The following EIF5A2 variants were observed in gnomAD, a reference collection of about 807,000 sequenced individuals.
The protein encoded by EIF5A2 is eukaryotic translation initiation factor 5A-2.
Under a neutral mutation model 16.4 loss-of-function variants are expected in EIF5A2, and 15 were observed. That is an observed-to-expected ratio of 0.92 (90% confidence interval 0.61 to 1.41). The LOEUF (loss-of-function observed/expected upper bound fraction) is 1.41. Ranked by LOEUF, EIF5A2 falls within the 40% of genes most tolerant of loss-of-function variation. EIF5A2 has a pLI of 0.00. For missense variants in EIF5A2, 144 were observed against 189.5 expected, an observed-to-expected ratio of 0.76 and a Z score of 1.41; for synonymous variants, 48 against 61.1, an observed-to-expected ratio of 0.79 and a Z score of 1.00.
At chr3:170,901,321 T>G (rs1712808570) in intron 3 of EIF5A2, among the ~76,000 whole-genome samples, 1 of 152,176 alleles carries the variant, frequency 6.6e-6, no homozygotes. Flanking sequence ...ATAGTATATA[T>G]GAATTCTAGA....
chr3:170,889,309 T>C lies in EIF5A2; in HGVS notation c.*4051A>G, dbSNP rs1576784284. On this transcript the variant is annotated 3_prime_UTR_variant, in exon 5 of 5. Transcript: ENST00000295822. ...GAAAAACATTAAATTACATATTGGC[T>C]TCAAGCCATGTTCCCATAGAACATC... The C allele has an allele frequency of 6.6e-6, 1 of 152,510 alleles. No homozygotes were observed. The allele number at this position is 152,510 out of a possible 1,614,324, so 9.4% of individuals were successfully genotyped here. A position where few individuals can be genotyped will look rare whatever the true frequency, so the allele number is the denominator to read the frequency against.
Position 170,892,964 on chromosome 3 carries a change from T to C in EIF5A2, c.*396A>G, listed in dbSNP as rs1294814717. On this transcript the variant is annotated 3_prime_UTR_variant, in exon 5 of 5. Transcript: ENST00000295822. Reference sequence around the variant, plus strand: ...CATTTTATATTAAATCTGTAATTAATGCAGAGCAGTTCAACTTAAATATGG... The same window carrying C: ...CATTTTATATTAAATCTGTAATTAACGCAGAGCAGTTCAACTTAAATATGG... 1 of 401,730 alleles carries C rather than the reference T, an allele frequency of 2.5e-6. No homozygotes were observed. The highest frequency in any genetic ancestry group is 4.4e-6 in the Non-Finnish European group (1 of 228,590). 24.9% of individuals were successfully genotyped at this position (401,730 alleles called of 1,614,324 possible).
At chr3:170,896,096 C>T (rs1712663890) in intron 3 of EIF5A2, among the ~76,000 whole-genome samples, 1 of 152,192 alleles carries the variant, frequency 6.6e-6, no homozygotes, top group South Asian at 2.1e-4. Context: ...TACTGTGCCA[C>T]TAGTGACTGA....
At chr3:170,905,554 C>T (rs943793226) in intron 3 of EIF5A2, among the ~76,000 whole-genome samples, 1 of 152,210 alleles carries the variant, frequency 6.6e-6, no homozygotes, top group Non-Finnish European at 1.5e-5. Flanking sequence ...ATTCTACGCT[C>T]AACTTTAGCC....
chr3:170,899,223 GT>G (rs1172231579), intron 3 of EIF5A2, among the ~76,000 whole-genome samples: 1 of 151,558 alleles, frequency 6.6e-6, no homozygotes, highest in African/African-American at 2.4e-5. Context: ...GTATCTTTTT[GT>G]TTTTTGGGGG....
rs568766490 is a variant in EIF5A2 at position 170,890,278 on chromosome 3, G to C, written c.*3082C>G. ...AACATATAAAGTTATGTGCGCACAT[G>C]TGCACATGCAAATTGCATTGTAATG... On this transcript the variant is annotated 3_prime_UTR_variant, in exon 5 of 5. Coordinates refer to ENST00000295822, the MANE Select transcript of EIF5A2 (RefSeq NM_020390.6). 6.6e-6 allele frequency: 1 copy of C among 152,246 alleles called. No individual in the cohort carries two copies. The highest frequency in any genetic ancestry group is 6.5e-5 in the Admixed American group (1 of 15,300). The allele number at this position is 152,246 out of a possible 1,614,324, so 9.4% of individuals were successfully genotyped here. A position where few individuals can be genotyped will look rare whatever the true frequency, so the allele number is the denominator to read the frequency against.
In EIF5A2 at chr3:170,891,423, T is replaced by C. The variant is rs553214745; in HGVS notation, c.*1937A>G. 2 of 152,762 alleles carry C rather than the reference T, an allele frequency of 1.3e-5. No homozygotes were observed. Among genetic ancestry groups the C allele is most frequent in the East Asian group, 3.9e-4 (2 of 5,184 alleles). 9.5% of individuals were successfully genotyped at this position (152,762 alleles called of 1,614,324 possible). ...AAGACGACTAACTACTACCTCACTATTTCTTGTGCTTTAGAAATTTCCTTT... is the reference window on the plus strand; with the variant it reads ...AAGACGACTAACTACTACCTCACTACTTCTTGTGCTTTAGAAATTTCCTTT... On this transcript the variant is annotated 3_prime_UTR_variant, in exon 5 of 5. Transcript: ENST00000295822.
At chr3:170,899,147 T>C (rs1481138088) in intron 3 of EIF5A2, among the ~76,000 whole-genome samples, 3 of 152,198 alleles carry the variant, frequency 2.0e-5, no homozygotes, top group Non-Finnish European at 4.4e-5. Context: ...ACCTTGTATT[T>C]ATCTGGCTAT....
At chr3:170,905,761 A>G (rs1379328688) in intron 3 of EIF5A2, among the ~76,000 whole-genome samples, 1 of 152,158 alleles carries the variant, frequency 6.6e-6, no homozygotes, top group Non-Finnish European at 1.5e-5. Context: ...AATGGGGTAC[A>G]TTTTCTCATT....
chr3:170,894,391 C>A lies in EIF5A2; in HGVS notation c.303G>T (p.Leu101=). The change falls in exon 4 of 5, where the codon CTG becomes CTT. Residue 101 remains leucine (L), a synonymous_variant. Coordinates refer to ENST00000295822, the MANE Select transcript of EIF5A2 (RefSeq NM_020390.6). ...LICIQDGYLS[L]LTETGEVRED... ...CACGAACTTCACCAGTTTCTGTCAGCAGGGAAAGGTAACCATCTTGAATGC... is the reference window on the plus strand; with the variant it reads ...CACGAACTTCACCAGTTTCTGTCAGAAGGGAAAGGTAACCATCTTGAATGC... 6.2e-7 allele frequency: 1 copy of A among 1,613,914 alleles called. No homozygotes were observed. Among genetic ancestry groups the A allele is most frequent in the Non-Finnish European group, 8.5e-7 (1 of 1,179,912 alleles).
chr3:170,890,660 A>C lies in EIF5A2; in HGVS notation c.*2700T>G, dbSNP rs545910912. ...ATTCAACCTGTTAATAAATTGGTGA[A>C]ATGTATACAGATAAAAATGGCTTAT... is the stretch of plus-strand genomic sequence containing the variant. On this transcript the variant is annotated 3_prime_UTR_variant, in exon 5 of 5. Transcript: ENST00000295822. 3.3e-4 allele frequency: 51 copies of C among 152,738 alleles called. No individual in the cohort carries two copies. Among genetic ancestry groups the C allele is most frequent in the African/African-American group, 1.2e-3 (50 of 41,584 alleles). 9.5% of individuals were successfully genotyped at this position (152,738 alleles called of 1,614,324 possible).
chr3:170,900,488 G>T (rs1364237726), intron 3 of EIF5A2, among the ~76,000 whole-genome samples: 2 of 151,824 alleles, frequency 1.3e-5, no homozygotes, highest in African/African-American at 2.4e-5. Flanking sequence ...TGGAGAAGCT[G>T]TTGTACTAAA....
At chr3:170,903,583 G>C (rs1336983031) in intron 3 of EIF5A2, among the ~76,000 whole-genome samples, 1 of 152,078 alleles carries the variant, frequency 6.6e-6, no homozygotes, top group East Asian at 1.9e-4. Flanking sequence ...CGCAACATTG[G>C]GCCCTATTGC....
At position 170,889,057 on chromosome 3, in the gene EIF5A2, T is replaced by TTTTC. The variant is rs1712459806; in HGVS notation, c.*4302_*4303insGAAA. 1 of 143,890 alleles carries TTTTC rather than the reference T, an allele frequency of 6.9e-6. No homozygotes were observed. Among genetic ancestry groups the TTTTC allele is most frequent in the Admixed American group, 7.0e-5 (1 of 14,322 alleles). The allele number at this position is 143,890 out of a possible 1,614,324, so 8.9% of individuals were successfully genotyped here. On this transcript the variant is annotated 3_prime_UTR_variant, in exon 5 of 5. Coordinates refer to ENST00000295822, the MANE Select transcript of EIF5A2 (RefSeq NM_020390.6). ...AAATACAATAACCTGTCTTTTTTTT[T>TTTTC]TTTTTTTTTTTTTTGTAAAATAGGT...
rs1477528845 is a variant in EIF5A2, at chr3:170,891,072, A to C, written c.*2288T>G. 1 of 152,542 alleles carries C rather than the reference A, an allele frequency of 6.6e-6. No homozygotes were observed. Among genetic ancestry groups the C allele is most frequent in the African/African-American group, 2.4e-5 (1 of 41,432 alleles). The allele number at this position is 152,542 out of a possible 1,614,324, so 9.4% of individuals were successfully genotyped here. A position where few individuals can be genotyped will look rare whatever the true frequency, so the allele number is the denominator to read the frequency against. ...AGAGATGCATTATTATAATTTGTAC[A>C]CCCTTAATTTGTACACAATTGAAAA... On this transcript the variant is annotated 3_prime_UTR_variant, in exon 5 of 5. Transcript: ENST00000295822.
chr3:170,892,804 T>G lies in EIF5A2; in HGVS notation c.*556A>C, dbSNP rs373503777. On this transcript the variant is annotated 3_prime_UTR_variant, in exon 5 of 5. Coordinates refer to ENST00000295822, the MANE Select transcript of EIF5A2 (RefSeq NM_020390.6). ...AGTTTGCCAACAATTTGGTAAATAG[T>G]ATGACCAAAGTAATCACATGGTTGC... 2.5e-6 allele frequency: 1 copy of G among 398,838 alleles called. No individual in the cohort carries two copies. Among genetic ancestry groups the G allele is most frequent in the East Asian group, 3.6e-5 (1 of 28,082 alleles). 24.7% of individuals were successfully genotyped at this position (398,838 alleles called of 1,614,324 possible). A position where few individuals can be genotyped will look rare whatever the true frequency, so the allele number is the denominator to read the frequency against.
At chr3:170,903,203 AATCTC>A (rs1408063872) in intron 3 of EIF5A2, among the ~76,000 whole-genome samples, 9 of 152,246 alleles carry the variant, frequency 5.9e-5, no homozygotes, top group African/African-American at 2.2e-4. Flanking sequence ...CTTCTGCTAA[AATCTC>A]ATCTCAATTT....
intron 3 of EIF5A2, among the ~76,000 whole-genome samples, chr3:170,900,366 CA>C (rs1168908597): frequency 7.1e-3 from 457 of 64,144 alleles, no homozygotes; most frequent in African/African-American, 0.02. Flanking sequence ...GACTCCATCT[CA>C]AAAAAAAAAA....
chr3:170,896,943 A>G (rs960342444), intron 3 of EIF5A2, among the ~76,000 whole-genome samples: 7 of 152,306 alleles, frequency 4.6e-5, no homozygotes, highest in Admixed American at 4.6e-4. Context: ...TCAGATGGAG[A>G]TGAGGAACTC....
Sources: gnomAD v4.1 joint callset for allele counts (sites outside exome capture counted in the v4.1 genomes callset) on GRCh38, gnomAD v4.1.1 for gene constraint, MANE v1.5 for transcripts, NCBI Gene and HGNC (gene_info 2026-07-23, HGNC 2026-07-21) for gene names.